The following CNTN4 variants were observed in gnomAD, a reference collection of about 807,000 sequenced individuals.
CNTN4 encodes the protein contactin-4.
A neutral mutation model predicts 122.5 loss-of-function variants in CNTN4; 77 were observed. The observed-to-expected ratio is 0.63, with a 90% CI of 0.52 to 0.76. The LOEUF (loss-of-function observed/expected upper bound fraction) is 0.76. Ranked by LOEUF, CNTN4 falls within the 30% of genes least tolerant of loss-of-function variation. CNTN4 has a pLI of 0.00. For missense variants in CNTN4, 1,256 were observed against 1,259.1 expected, an observed-to-expected ratio of 1.00 and a Z score of 0.04; for synonymous variants, 512 against 447.0, an observed-to-expected ratio of 1.15 and a Z score of -1.83.
At chr3:2,769,846 TAGC>T (rs576906944) in intron 6 of CNTN4, among the ~76,000 whole-genome samples, 181 of 152,222 alleles carry the variant, frequency 1.2e-3, no homozygotes, top group African/African-American at 4.0e-3. Flanking sequence ...AGATCAAAAA[TAGC>T]AGCAAGACAG....
chr3:2,535,163 T>C (rs2149259697), intron 3 of CNTN4, among the ~76,000 whole-genome samples: 1 of 152,282 alleles, frequency 6.6e-6, no homozygotes, highest in East Asian at 1.9e-4. Context: ...TAGTTGCCCG[T>C]AAGATGCCTT....
chr3:2,351,314 A>G (rs974125695), intron 3 of CNTN4, among the ~76,000 whole-genome samples: 1 of 152,214 alleles, frequency 6.6e-6, no homozygotes, highest in Non-Finnish European at 1.5e-5. Flanking sequence ...AGTGCAGGAA[A>G]CTTAGGCGCA....
chr3:2,581,338 A>G (rs1040157240), intron 4 of CNTN4, among the ~76,000 whole-genome samples: 1 of 152,132 alleles, frequency 6.6e-6, no homozygotes, highest in Non-Finnish European at 1.5e-5. Context: ...AGACTTTAAT[A>G]TATAAGGGGA....
Position 2,660,948 on chromosome 3 carries a change from C to G in CNTN4, c.56-75267C>G, listed in dbSNP as rs1308249409. 2.0e-5 allele frequency among the ~76,000 whole-genome samples: 3 copies of G among 152,248 alleles called. No homozygotes were observed. The East Asian group carries it at 5.8e-4, about 29-fold the overall frequency. On this transcript the variant is annotated intron_variant, in intron 4 of 24. Coordinates refer to ENST00000418658, the MANE Select transcript of CNTN4 (RefSeq NM_175607.3). ...AAGGTCATCACAACTAGGCACCCCTCTAATTCTGGTAATAATTAAAATCAA... is the reference window on the plus strand; with the variant it reads ...AAGGTCATCACAACTAGGCACCCCTGTAATTCTGGTAATAATTAAAATCAA...
intron 4 of CNTN4, among the ~76,000 whole-genome samples, chr3:2,639,050 C>T (rs1201486149): frequency 6.6e-6 from 1 of 152,154 alleles, no homozygotes; most frequent in Non-Finnish European, 1.5e-5. Context: ...TTCCCCTTTC[C>T]TCCTACACTG....
chr3:2,306,116 G>T (rs1361658892), intron 2 of CNTN4, among the ~76,000 whole-genome samples: 1 of 152,096 alleles, frequency 6.6e-6, no homozygotes, highest in Non-Finnish European at 1.5e-5. Flanking sequence ...GTTTTGTGTG[G>T]AATATGCTTT....
At chr3:2,198,077 G>A (rs945076033) in intron 2 of CNTN4, among the ~76,000 whole-genome samples, 2 of 151,460 alleles carry the variant, frequency 1.3e-5, no homozygotes, top group African/African-American at 2.4e-5. Flanking sequence ...TTCTCTTGAC[G>A]GGAACAGTAT....
intron 14 of CNTN4, among the ~76,000 whole-genome samples, chr3:3,004,872 T>C (rs563660692): frequency 6.6e-6 from 1 of 152,368 alleles, no homozygotes; most frequent in East Asian, 1.9e-4. Flanking sequence ...CCTGTACCTG[T>C]AGCTCTTCAG....
At chr3:2,896,487 C>T (rs1387442720) in intron 10 of CNTN4, among the ~76,000 whole-genome samples, 1 of 152,114 alleles carries the variant, frequency 6.6e-6, no homozygotes, top group African/African-American at 2.4e-5. Context: ...ATGGACCTTG[C>T]CCTGAAATCC....
chr3:2,585,853 AAAGT>A (rs1469095072), intron 4 of CNTN4, among the ~76,000 whole-genome samples: 1 of 151,220 alleles, frequency 6.6e-6, no homozygotes, highest in Non-Finnish European at 1.5e-5. Flanking sequence ...AAAAAAAAGA[AAAGT>A]AACCCAATAC....
chr3:2,543,117 T>C (rs767692357), intron 3 of CNTN4, among the ~76,000 whole-genome samples: 1 of 152,202 alleles, frequency 6.6e-6, no homozygotes, highest in African/African-American at 2.4e-5. Flanking sequence ...GGGAAACCTA[T>C]ATTTTGTCAG....
intron 8 of CNTN4, among the ~76,000 whole-genome samples, chr3:2,880,599 A>G (rs2093896600): frequency 6.6e-6 from 1 of 152,214 alleles, no homozygotes; most frequent in Non-Finnish European, 1.5e-5. Context: ...GCCAGCCCAG[A>G]CTCAGGGGCA....
At chr3:2,980,141 T>C (rs981171164) in intron 13 of CNTN4, among the ~76,000 whole-genome samples, 1 of 152,212 alleles carries the variant, frequency 6.6e-6, no homozygotes, top group African/African-American at 2.4e-5. Flanking sequence ...ATCTCCTGAG[T>C]CCAGATTTGT....
At chr3:2,341,752 A>C (rs1326209713) in intron 3 of CNTN4, among the ~76,000 whole-genome samples, 1 of 152,268 alleles carries the variant, frequency 6.6e-6, no homozygotes, top group Non-Finnish European at 1.5e-5. Flanking sequence ...AAATAAAAAT[A>C]AAGTTTAACT....
intron 3 of CNTN4, among the ~76,000 whole-genome samples, chr3:2,388,836 T>C (rs184667661): frequency 5.7e-5 from 8 of 139,588 alleles, no homozygotes; most frequent in Admixed American, 2.9e-4. Flanking sequence ...CAGAGCTAGA[T>C]TCTGTCTCAA....
At chr3:2,925,335 C>G (rs545001390) in intron 12 of CNTN4, among the ~76,000 whole-genome samples, 1 of 152,220 alleles carries the variant, frequency 6.6e-6, no homozygotes, top group South Asian at 2.1e-4. Context: ...GCGGGCGGAT[C>G]ACGAGGTCAA....
chr3:2,441,528 T>C (rs1459507392), intron 3 of CNTN4, among the ~76,000 whole-genome samples: 2 of 152,208 alleles, frequency 1.3e-5, no homozygotes, highest in Non-Finnish European at 2.9e-5. Context: ...CTTCAACATA[T>C]TCTATTCTGC....
intron 3 of CNTN4, among the ~76,000 whole-genome samples, chr3:2,394,359 T>A (rs1397250582): frequency 6.6e-6 from 1 of 152,220 alleles, no homozygotes; most frequent in Admixed American, 6.5e-5. Flanking sequence ...TCAAAGATAA[T>A]TGAGACTTAT....
At chr3:2,536,013 T>C (rs957571148) in intron 3 of CNTN4, among the ~76,000 whole-genome samples, 5 of 152,114 alleles carry the variant, frequency 3.3e-5, no homozygotes, top group Non-Finnish European at 7.4e-5. Flanking sequence ...GAAAGAACAA[T>C]GAGTAGATTT....
Sources: allele counts gnomAD v4.1 joint callset (sites outside exome capture counted in the v4.1 genomes callset), GRCh38; gene constraint gnomAD v4.1.1; transcripts MANE v1.5; gene names NCBI Gene and HGNC (gene_info 2026-07-23, HGNC 2026-07-21).